Variants in CLEC16A observed in about 807,000 individuals in gnomAD.
The protein encoded by CLEC16A is C-type lectin domain containing 16A, also known as protein CLEC16A.
CLEC16A carries 51 observed loss-of-function variants against 109.5 expected under a neutral mutation model. That is an observed-to-expected ratio of 0.47 (90% CI 0.37 to 0.59). The LOEUF (loss-of-function observed/expected upper bound fraction) is 0.59, where lower values mean the gene tolerates loss of function less well. Ranked by LOEUF, CLEC16A falls within the 20% of genes least tolerant of loss-of-function variation. The pLI, the probability that CLEC16A is intolerant of heterozygous loss-of-function variation, is 0.00. For missense variants in CLEC16A, 1,339 were observed against 1,394.0 expected (o/e 0.96, Z 0.63); for synonymous variants, 673 against 564.2 (o/e 1.19, Z -2.73).
intron 11 of CLEC16A, among the ~76,000 whole-genome samples, chr16:11,011,624 T>A (rs563054157): frequency 1.3e-5 from 2 of 152,192 alleles, no homozygotes; most frequent in African/African-American, 4.8e-5. Context: ...AGGCCAAGAT[T>A]TGGGCACTGG....
intron 1 of CLEC16A, among the ~76,000 whole-genome samples, chr16:10,948,597 T>C (rs1357025495): frequency 6.6e-6 from 1 of 152,118 alleles, no homozygotes; most frequent in Non-Finnish European, 1.5e-5. Flanking sequence ...CTGGTAGAAA[T>C]TGGTCGTTTT....
chr16:11,153,568 T>C (rs1032297698), intron 22 of CLEC16A, among the ~76,000 whole-genome samples: 1 of 150,668 alleles, frequency 6.6e-6, no homozygotes, highest in African/African-American at 2.5e-5. Context: ...TAAGTATACA[T>C]ACTAGATACG....
Position 11,142,004 on chromosome 16 carries a change from G to T in CLEC16A, c.2641+15858G>T, listed in dbSNP as rs551871078. ...AGGTTGAAAGGTTTAAATGACTCGG[G>T]CACTGGGGATGTCTGACAGAGCATT... On this transcript the variant is annotated intron_variant, in intron 22 of 23. Coordinates refer to ENST00000409790, the MANE Select transcript of CLEC16A (RefSeq NM_015226.3). Among the ~76,000 whole-genome samples, 16 of 152,258 alleles carry T rather than the reference G, an allele frequency of 1.1e-4. No homozygotes were observed. In the East Asian group the frequency reaches 2.9e-3, roughly 28 times the overall value.
At chr16:11,057,445 C>A (rs1235113034) in intron 18 of CLEC16A, among the ~76,000 whole-genome samples, 3 of 152,352 alleles carry the variant, frequency 2.0e-5, no homozygotes, top group Non-Finnish European at 4.4e-5. Context: ...GATTACCAAG[C>A]CCCAGCTTGA....
At chr16:11,157,830 G>T (rs1193455124) in intron 22 of CLEC16A, among the ~76,000 whole-genome samples, 1 of 152,120 alleles carries the variant, frequency 6.6e-6, no homozygotes, top group Non-Finnish European at 1.5e-5. Context: ...TCCTAAGGTG[G>T]CTTTCCTAGG....
chr16:11,095,566 C>T (rs779234728), intron 19 of CLEC16A, among the ~76,000 whole-genome samples: 1 of 152,182 alleles, frequency 6.6e-6, no homozygotes, highest in East Asian at 1.9e-4. Context: ...AATCCCAACA[C>T]TTTGGGAGGC....
At chr16:11,027,161 G>T in intron 13 of CLEC16A, 1 of 1,427,354 alleles carries the variant, frequency 7.0e-7, no homozygotes. Flanking sequence ...AAGGAAAAGG[G>T]CTCAGGTTTA....
chr16:11,066,443 A>AG (rs1567269821), intron 19 of CLEC16A: 1 of 152,140 alleles, frequency 6.6e-6, no homozygotes, highest in East Asian at 1.9e-4. Flanking sequence ...CTGATCCTGG[A>AG]GGAGGAGCTG....
chr16:10,978,724 G>T (rs1292783584), intron 8 of CLEC16A, among the ~76,000 whole-genome samples: 1 of 152,208 alleles, frequency 6.6e-6, no homozygotes, highest in Non-Finnish European at 1.5e-5. Flanking sequence ...AGGCAGCTCT[G>T]GGAGGCAGAG....
chr16:11,106,048 C>T (rs993556617), intron 19 of CLEC16A, among the ~76,000 whole-genome samples: 1 of 152,184 alleles, frequency 6.6e-6, no homozygotes, highest in Non-Finnish European at 1.5e-5. Context: ...GTAGTCATCA[C>T]ACAAAAGTGA....
chr16:11,049,781 G>A (rs1309264808), intron 17 of CLEC16A, among the ~76,000 whole-genome samples: 2 of 152,234 alleles, frequency 1.3e-5, no homozygotes, highest in Non-Finnish European at 2.9e-5. Flanking sequence ...AGGCCTGAGG[G>A]GTTCACTGGG....
intron 22 of CLEC16A, among the ~76,000 whole-genome samples, chr16:11,154,928 A>AAAAT (rs759677840): frequency 2.6e-5 from 4 of 152,006 alleles, no homozygotes; most frequent in Non-Finnish European, 5.9e-5. Context: ...CTCCATCTCA[A>AAAAT]AAATAAATAA....
intron 22 of CLEC16A, chr16:11,156,786 G>C (rs566669887): frequency 7.3e-6 from 5 of 682,712 alleles, no homozygotes; most frequent in Admixed American, 5.1e-5. Flanking sequence ...CCAAAGCAAG[G>C]TTGCACCACT....
Position 11,126,157 on chromosome 16 carries a change from C to A in CLEC16A, c.2641+11C>A. The A allele has an allele frequency of 2.5e-6, 4 of 1,613,720 alleles. No homozygotes were observed. Among genetic ancestry groups the A allele is most frequent in the Non-Finnish European group, 3.4e-6 (4 of 1,179,864 alleles). ...TGGACAAGGTGCCAGGTGAGCCAGC[C>A]CCCCGCCCTGCGCCACAGCTCGTTC... On this transcript the variant is annotated intron_variant, in intron 22 of 23. Transcript: ENST00000409790.
intron 10 of CLEC16A, among the ~76,000 whole-genome samples, chr16:10,988,113 G>A (rs190300830): frequency 1.3e-5 from 2 of 152,236 alleles, no homozygotes; most frequent in African/African-American, 2.4e-5. Flanking sequence ...TGGGGAAATC[G>A]AGTAGGACAA....
At chr16:11,101,429 G>A (rs1012954603) in intron 19 of CLEC16A, among the ~76,000 whole-genome samples, 2 of 152,168 alleles carry the variant, frequency 1.3e-5, no homozygotes, top group African/African-American at 2.4e-5. Flanking sequence ...CTGGCCCATG[G>A]TACATGCCCC....
At chr16:11,061,095 C>A in intron 19 of CLEC16A, 73 bp downstream of exon 19, 1 of 1,472,868 alleles carries the variant, frequency 6.8e-7, no homozygotes, top group Non-Finnish European at 9.0e-7. Context: ...TGCTGATTCA[C>A]ACGCCACTGG....
At chr16:10,947,331 T>A (rs1460877277) in intron 1 of CLEC16A, among the ~76,000 whole-genome samples, 1 of 152,070 alleles carries the variant, frequency 6.6e-6, no homozygotes, top group Non-Finnish European at 1.5e-5. Flanking sequence ...ACAGAACAGC[T>A]CGTTCCCTGA....
At chr16:11,128,790 C>G (rs1456328580) in intron 22 of CLEC16A, among the ~76,000 whole-genome samples, 1 of 152,124 alleles carries the variant, frequency 6.6e-6, no homozygotes, top group Non-Finnish European at 1.5e-5. Flanking sequence ...ACCCTGCTTC[C>G]ACACCCACCA....
Sources: allele counts gnomAD v4.1 joint callset (sites outside exome capture counted in the v4.1 genomes callset), GRCh38; gene constraint gnomAD v4.1.1; transcripts MANE v1.5; gene names NCBI Gene and HGNC (gene_info 2026-07-23, HGNC 2026-07-21).